RSPO2: variants seen among roughly 807,000 people sequenced by gnomAD.
RSPO2 encodes the protein R-spondin-2.
A neutral mutation model predicts 30.9 loss-of-function variants in RSPO2; 14 were observed. The ratio of observed to expected loss-of-function variants is 0.45; its 90% CI spans 0.30 to 0.71. RSPO2 has a LOEUF of 0.71. Among genes scored for constraint, RSPO2 ranks in the 30% least tolerant of loss-of-function variants. RSPO2 has a pLI of 0.08. For missense variants in RSPO2, 264 were observed against 301.9 expected (o/e 0.87, Z 0.93); for synonymous variants, 107 against 96.4 (o/e 1.11, Z -0.64).
chr8:107,921,187 CTTT>C (rs1812156295), intron 5 of RSPO2, among the ~76,000 whole-genome samples: 1 of 151,762 alleles, frequency 6.6e-6, no homozygotes, highest in Non-Finnish European at 1.5e-5. Context: ...TCTGTAGTGA[CTTT>C]TTAATGACTA....
intron 5 of RSPO2, among the ~76,000 whole-genome samples, chr8:107,932,518 G>A (rs1212202407): frequency 6.6e-6 from 1 of 152,140 alleles, no homozygotes; most frequent in African/African-American, 2.4e-5. Context: ...ACGACATGCA[G>A]AAAGAGCTGG....
rs142591927 is a variant in RSPO2, at chr8:108,035,307, T to C, written c.95-46063A>G. ...TTCCTACTGTGCGTCAACTCTTTTT[T>C]TGGGGGGTTTTCTTACTGTGTTTAG... On this transcript the variant is annotated intron_variant, in intron 2 of 5. Transcript: ENST00000276659. Among the ~76,000 whole-genome samples the C allele has an allele frequency of 3.3e-5, 5 of 152,320 alleles. No individual in the cohort carries two copies. The East Asian group carries it at 9.6e-4, about 29-fold the overall frequency.
chr8:108,053,522 C>T (rs1186154389), intron 2 of RSPO2, among the ~76,000 whole-genome samples: 1 of 152,034 alleles, frequency 6.6e-6, no homozygotes, highest in Non-Finnish European at 1.5e-5. Flanking sequence ...CTTGAAAAAG[C>T]CAATGATTTA....
chr8:108,081,415 C>A (rs1412546694), intron 2 of RSPO2, among the ~76,000 whole-genome samples: 9 of 152,192 alleles, frequency 5.9e-5, no homozygotes, highest in Non-Finnish European at 1.3e-4. Flanking sequence ...GAGAAAAAGT[C>A]AACATTCATG....
chr8:107,988,936 CTA>C, intron 3 of RSPO2, 118 bp downstream of exon 3: 2 of 930,402 alleles, frequency 2.1e-6, no homozygotes, highest in Non-Finnish European at 3.1e-6. Flanking sequence ...CAAGCTTAAA[CTA>C]TTTCTATCAC....
intron 5 of RSPO2, among the ~76,000 whole-genome samples, chr8:107,918,165 T>C (rs1812037201): frequency 6.6e-6 from 1 of 152,176 alleles, no homozygotes; most frequent in African/African-American, 2.4e-5. Context: ...CTTTTTGTTT[T>C]CCAGGGCCAA....
chr8:108,052,495 G>A (rs1812105470), intron 2 of RSPO2, among the ~76,000 whole-genome samples: 1 of 152,040 alleles, frequency 6.6e-6, no homozygotes, highest in Non-Finnish European at 1.5e-5. Flanking sequence ...GTAATTCACT[G>A]GAATTAGAAT....
intron 3 of RSPO2, among the ~76,000 whole-genome samples, chr8:107,961,681 T>C (rs931326932): frequency 3.3e-5 from 5 of 152,320 alleles, no homozygotes; most frequent in Admixed American, 2.6e-4. Context: ...TGAGCCTCTA[T>C]TGCCTCCTGT....
At chr8:107,911,279 G>A (rs140667276) in intron 5 of RSPO2, among the ~76,000 whole-genome samples, 115 of 152,208 alleles carry the variant, frequency 7.6e-4, no homozygotes, top group Non-Finnish European at 1.0e-3. Context: ...TGCCTCAGTC[G>A]CCACAGAGCC....
intron 5 of RSPO2, among the ~76,000 whole-genome samples, chr8:107,948,042 T>C (rs1055485069): frequency 6.6e-6 from 1 of 152,238 alleles, no homozygotes; most frequent in Admixed American, 6.5e-5. Flanking sequence ...CTATTCCTAT[T>C]CCCTGGCAAT....
At chr8:108,041,263 T>A (rs139327079) in intron 2 of RSPO2, among the ~76,000 whole-genome samples, 3 of 141,174 alleles carry the variant, frequency 2.1e-5, no homozygotes, top group Non-Finnish European at 4.6e-5. Context: ...CCTTAAGTAA[T>A]TGGACAAAGA....
chr8:108,025,625 T>A (rs750863485), intron 2 of RSPO2, among the ~76,000 whole-genome samples: 3 of 152,040 alleles, frequency 2.0e-5, no homozygotes, highest in Non-Finnish European at 4.4e-5. Flanking sequence ...TCCTAGGCTC[T>A]AGCAATCCTC....
At chr8:108,035,384 C>T (rs189182169) in intron 2 of RSPO2, among the ~76,000 whole-genome samples, 4 of 152,296 alleles carry the variant, frequency 2.6e-5, no homozygotes, top group Admixed American at 2.6e-4. Flanking sequence ...TAGTAGTTAC[C>T]ACATCGGTAG....
intron 3 of RSPO2, among the ~76,000 whole-genome samples, chr8:107,967,639 A>G (rs1334551416): frequency 1.3e-5 from 2 of 152,204 alleles, no homozygotes; most frequent in East Asian, 1.9e-4. Flanking sequence ...AACAGAAGAT[A>G]CAGGGTTAAA....
At chr8:107,929,180 C>T (rs1331573977) in intron 5 of RSPO2, among the ~76,000 whole-genome samples, 3 of 152,218 alleles carry the variant, frequency 2.0e-5, no homozygotes, top group Admixed American at 6.5e-5. Context: ...ATCCATTTTA[C>T]ATCCTCTGAC....
intron 2 of RSPO2, among the ~76,000 whole-genome samples, chr8:108,031,141 G>A (rs1014813734): frequency 6.6e-6 from 1 of 152,110 alleles, no homozygotes; most frequent in Admixed American, 6.6e-5. Context: ...TTCTAAACTG[G>A]AACAAGCATA....
At chr8:107,910,141 C>T (rs1811776948) in intron 5 of RSPO2, among the ~76,000 whole-genome samples, 1 of 152,162 alleles carries the variant, frequency 6.6e-6, no homozygotes, top group South Asian at 2.1e-4. Flanking sequence ...TGACTTCATA[C>T]TATAACGGAA....
intron 2 of RSPO2, among the ~76,000 whole-genome samples, chr8:108,055,075 C>T (rs897169100): frequency 1.1e-4 from 17 of 151,998 alleles, no homozygotes; most frequent in African/African-American, 3.4e-4. Context: ...GAGCTGAGAT[C>T]GCACCACTGC....
At chr8:108,024,525 A>C (rs1811144984) in intron 2 of RSPO2, among the ~76,000 whole-genome samples, 1 of 152,196 alleles carries the variant, frequency 6.6e-6, no homozygotes, top group Admixed American at 6.5e-5. Flanking sequence ...ACATCTATTA[A>C]TTTGTACAAA....
Sources: allele counts gnomAD v4.1 joint callset (sites outside exome capture counted in the v4.1 genomes callset), GRCh38; gene constraint gnomAD v4.1.1; transcripts MANE v1.5; gene names NCBI Gene and HGNC (gene_info 2026-07-23, HGNC 2026-07-21).